The following FAT4 variants were observed in gnomAD, a reference collection of about 807,000 sequenced individuals.
The protein encoded by FAT4 is protocadherin Fat 4.
FAT4 carries 84 observed loss-of-function variants against 303.9 expected under a neutral mutation model. The observed-to-expected ratio is 0.28, with a 90% CI of 0.23 to 0.33. FAT4 has a LOEUF of 0.33. Ranked by LOEUF, FAT4 falls within the 10% of genes least tolerant of loss-of-function variation. FAT4 has a pLI of 1.00. For synonymous variants in FAT4, 2,307 were observed against 2,298.8 expected (o/e 1.00, Z -0.10); for missense variants, 6,005 against 6,146.8 (o/e 0.98, Z 0.77).
At chr4:125,364,885 G>T (rs1732805335) in intron 2 of FAT4, among the ~76,000 whole-genome samples, 1 of 152,118 alleles carries the variant, frequency 6.6e-6, no homozygotes, top group African/African-American at 2.4e-5. Context: ...TATCTTATTT[G>T]TGTTTCATAA....
chr4:125,357,736 G>A (rs1402597032), intron 2 of FAT4, among the ~76,000 whole-genome samples: 1 of 152,100 alleles, frequency 6.6e-6, no homozygotes, highest in Non-Finnish European at 1.5e-5. Context: ...TGTGCTTTGT[G>A]AATATGTTTG....
Position 125,318,417 on chromosome 4 carries a change from A to G in FAT4, c.2006A>G (p.Gln669Arg). 2 of 1,614,174 alleles carry G rather than the reference A, an allele frequency of 1.2e-6. No homozygotes were observed. Among genetic ancestry groups the G allele is most frequent in the Non-Finnish European group, 1.7e-6 (2 of 1,180,030 alleles). ...GCCACAGATCTGGGCTCCCCTCCCC[A>G]GTCATCAATGGCTCGCATAAATGTG... Reference protein sequence around the residue: ...VLATDLGSPPQSSMARINVSL... With the variant: ...VLATDLGSPPRSSMARINVSL... Residue 669 changes from glutamine to arginine, a missense_variant, in exon 2 of 18, where the codon CAG (glutamine) becomes CGG (arginine). Physicochemically the swap from Gln to Arg is conservative, Grantham distance 43. Coordinates refer to ENST00000394329, the MANE Select transcript of FAT4 (RefSeq NM_001291303.3).
intron 13 of FAT4, 98 bp from the exon 14 acceptor site, chr4:125,477,057 G>T: frequency 1.1e-6 from 1 of 928,890 alleles, no homozygotes; most frequent in Non-Finnish European, 1.4e-6. Flanking sequence ...TATAATAAAT[G>T]TCAAAAAAAA....
chr4:125,318,334 G>A lies in FAT4; in HGVS notation c.1923G>A (p.Leu641=). Residue 641 remains leucine, a synonymous_variant, in exon 2 of 18, where the codon TTG becomes TTA. Transcript: ENST00000394329. ...GTCTGGATCCTGTGTCTGGGAGGTTGAGTACTATTTCCTCCTTGGACAGAG... is the reference window on the plus strand; with the variant it reads ...GTCTGGATCCTGTGTCTGGGAGGTTAAGTACTATTTCCTCCTTGGACAGAG... ...SFRLDPVSGR[L]STISSLDREE... is the part of the protein sequence containing the mutation. 1 of 1,614,202 alleles carries A rather than the reference G, an allele frequency of 6.2e-7. No homozygotes were observed. Among genetic ancestry groups the A allele is most frequent in the Non-Finnish European group, 8.5e-7 (1 of 1,180,034 alleles).
At chr4:125,445,324 G>T (rs1453093022) in intron 8 of FAT4, among the ~76,000 whole-genome samples, 2 of 152,016 alleles carry the variant, frequency 1.3e-5, no homozygotes, top group Non-Finnish European at 2.9e-5. Flanking sequence ...ACATACTACT[G>T]GCTGCAATAT....
Position 125,319,929 on chromosome 4 carries a change from C to A in FAT4, c.3518C>A (p.Ala1173Asp). 6.2e-7 allele frequency: 1 copy of A among 1,613,758 alleles called. No individual in the cohort carries two copies. The highest frequency in any genetic ancestry group is 8.5e-7 in the Non-Finnish European group (1 of 1,179,992). Residue 1173 changes from alanine (A) to aspartate (D), a missense_variant, in exon 2 of 18, where the codon GCT becomes GAT. Ala to Asp is a moderately radical substitution (Grantham distance 126, BLOSUM62 -2). Coordinates refer to ENST00000394329, the MANE Select transcript of FAT4 (RefSeq NM_001291303.3). ...RESLMRRRGT[A>D]VFSFTVIATD... ...TCTCTTATGAGGCGGAGAGGGACTG[C>A]TGTGTTTAGCTTTACAGTCATAGCA... is the stretch of plus-strand genomic sequence containing the variant.
chr4:125,428,150 T>G (rs1725154107), intron 7 of FAT4, among the ~76,000 whole-genome samples: 1 of 151,828 alleles, frequency 6.6e-6, no homozygotes, highest in Non-Finnish European at 1.5e-5. Flanking sequence ...ACACAAAAAT[T>G]AGCCAAGTAT....
chr4:125,405,181 A>G (rs925700972), intron 3 of FAT4, among the ~76,000 whole-genome samples: 3 of 152,096 alleles, frequency 2.0e-5, no homozygotes, highest in Non-Finnish European at 2.9e-5. Flanking sequence ...TGCTAAACCT[A>G]TATCACCTTT....
chr4:125,460,460 A>G (rs925251663), intron 10 of FAT4, among the ~76,000 whole-genome samples: 3 of 151,276 alleles, frequency 2.0e-5, no homozygotes, highest in African/African-American at 7.3e-5. Flanking sequence ...AGTAGACCCC[A>G]GTGTCTGTTG....
intron 2 of FAT4, among the ~76,000 whole-genome samples, chr4:125,324,657 A>C (rs925207180): frequency 6.6e-6 from 1 of 152,106 alleles, no homozygotes; most frequent in African/African-American, 2.4e-5. Flanking sequence ...TTAGTGTTTA[A>C]ATGGAAGGAA....
chr4:125,407,232 AGTTTT>A, intron 4 of FAT4, 91 bp downstream of exon 4: 4 of 1,174,742 alleles, frequency 3.4e-6, no homozygotes, highest in Non-Finnish European at 4.9e-6. Flanking sequence ...ATCAATGATT[AGTTTT>A]TAATCATATA....
chr4:125,414,908 G>T lies in FAT4; in HGVS notation c.5945G>T (p.Ser1982Ile). The T allele has an allele frequency of 1.2e-6, 2 of 1,602,852 alleles. No homozygotes were observed. Among genetic ancestry groups the T allele is most frequent in the Non-Finnish European group, 1.7e-6 (2 of 1,171,636 alleles). ...DDGINSQLTY[S>I]IASGDSLGQF... The stretch of plus-strand genomic sequence containing the variant: ...GGCATCAACTCTCAATTGACTTATA[G>T]CATTGCTTCAGGTGATAGCCTTGGG... Residue 1982 changes from serine (S) to isoleucine (I), a missense_variant, in exon 6 of 18, where the codon AGC (serine) becomes ATC (isoleucine). Coordinates refer to ENST00000394329, the MANE Select transcript of FAT4 (RefSeq NM_001291303.3).
At position 125,404,964 on chromosome 4, in the gene FAT4, G is replaced by A. The variant is rs1042620850; in HGVS notation, c.5308-1916G>A. 6.6e-5 allele frequency among the ~76,000 whole-genome samples: 10 copies of A among 150,862 alleles called. No individual in the cohort carries two copies. In the East Asian group the frequency reaches 1.2e-3, roughly 18 times the overall value. ...TATACAGGTTGAGTATTTCTTATCC[G>A]AAATACTTGGGACCAGAAGTGTCTC... On this transcript the variant is annotated intron_variant, in intron 3 of 17. Coordinates refer to ENST00000394329, the MANE Select transcript of FAT4 (RefSeq NM_001291303.3).
chr4:125,321,113 A>C lies in FAT4; in HGVS notation c.4702A>C (p.Ile1568Leu). Residue 1568 changes from isoleucine to leucine, a missense_variant, in exon 2 of 18, where the codon ATC becomes CTC. Physicochemically the swap from Ile to Leu is conservative, Grantham distance 5. Transcript: ENST00000394329. ...GANGEIEYEI[I>L]NGDTDTFIVD... ...TAATGGAGAAATAGAGTATGAGATC[A>C]TCAATGGGGACACAGACACCTTCAT... is the stretch of plus-strand genomic sequence containing the variant. The C allele has an allele frequency of 6.2e-7, 1 of 1,614,206 alleles. No homozygotes were observed. Among genetic ancestry groups the C allele is most frequent in the Non-Finnish European group, 8.5e-7 (1 of 1,180,016 alleles).
intron 8 of FAT4, among the ~76,000 whole-genome samples, chr4:125,441,473 T>A (rs1024729327): frequency 6.6e-6 from 1 of 152,142 alleles, no homozygotes; most frequent in African/African-American, 2.4e-5. Context: ...ATATAAAAAA[T>A]TCAAAATTTC....
chr4:125,383,618 A>G (rs1490838875), intron 2 of FAT4, among the ~76,000 whole-genome samples: 1 of 152,198 alleles, frequency 6.6e-6, no homozygotes, highest in Non-Finnish European at 1.5e-5. Flanking sequence ...GCTGATAGAA[A>G]CTTGCTCAAT....
chr4:125,479,915 G>T (rs1254894336), intron 15 of FAT4, 50 bp downstream of exon 15: 1 of 1,424,556 alleles, frequency 7.0e-7, no homozygotes, highest in African/African-American at 1.4e-5. Context: ...ACTATGAAAA[G>T]TAAAATATAT....
chr4:125,328,254 C>T (rs182409125), intron 2 of FAT4, among the ~76,000 whole-genome samples: 3 of 152,280 alleles, frequency 2.0e-5, no homozygotes, highest in Admixed American at 6.5e-5. Flanking sequence ...ATTAAACAAA[C>T]ATTCTGTATA....
Position 125,449,775 on chromosome 4 carries a change from T to C in FAT4, c.8765T>C (p.Ile2922Thr). Residue 2922 changes from isoleucine (I) to threonine (T), a missense_variant, in exon 10 of 18, where the codon ATT (isoleucine) becomes ACT (threonine). Physicochemically the swap from Ile to Thr is moderately conservative, Grantham distance 89. Coordinates refer to ENST00000394329, the MANE Select transcript of FAT4 (RefSeq NM_001291303.3). The part of the protein sequence containing the change: ...FIKSQSEYFR[I>T]NATTGEIFNK... ...AAATCCCAATCAGAATATTTCAGGATTAATGCCACCACTGGAGAGATTTTC... is the reference window on the plus strand; with the variant it reads ...AAATCCCAATCAGAATATTTCAGGACTAATGCCACCACTGGAGAGATTTTC... The C allele has an allele frequency of 6.2e-7, 1 of 1,613,750 alleles. No individual in the cohort carries two copies. The highest frequency in any genetic ancestry group is 8.5e-7 in the Non-Finnish European group (1 of 1,179,862).
Sources: allele counts gnomAD v4.1 joint callset (sites outside exome capture counted in the v4.1 genomes callset), GRCh38; gene constraint gnomAD v4.1.1; transcripts MANE v1.5; gene names NCBI Gene and HGNC (gene_info 2026-07-23, HGNC 2026-07-21).